The following DAB1 variants were observed in gnomAD, a reference collection of about 807,000 sequenced individuals.
DAB1 encodes the protein DAB adaptor protein 1, also known as disabled homolog 1.
Under a neutral mutation model 64.6 loss-of-function variants are expected in DAB1, and 15 were observed. The observed-to-expected ratio is 0.23, with a 90% confidence interval of 0.16 to 0.36. The LOEUF (loss-of-function observed/expected upper bound fraction) is 0.36. Among genes scored for constraint, DAB1 ranks in the 10% least tolerant of loss-of-function variants. The pLI is 1.00. For missense variants in DAB1, 596 were observed against 706.7 expected, an observed-to-expected ratio of 0.84 and a Z score of 1.78; for synonymous variants, 235 against 251.9, an observed-to-expected ratio of 0.93 and a Z score of 0.64.
rs115480830 is a variant in DAB1, at chr1:57,340,772, G to A, written c.-136-49606C>T. On this transcript the variant is annotated intron_variant, in intron 1 of 14. Transcript: ENST00000371236. ...GTGTACTCTGAGGAAGCCGAAGTACGGAGTTTTAATGGGTGCAGAAGTTTT... is the reference window on the plus strand; with the variant it reads ...GTGTACTCTGAGGAAGCCGAAGTACAGAGTTTTAATGGGTGCAGAAGTTTT... 2.9e-3 allele frequency among the ~76,000 whole-genome samples: 449 copies of A among 152,286 alleles called. 1 individual carries two copies. Among genetic ancestry groups the A allele is most frequent in the African/African-American group, 9.6e-3 (397 of 41,554 alleles).
intron 1 of DAB1, among the ~76,000 whole-genome samples, chr1:57,322,123 A>G (rs1248290490): frequency 6.6e-6 from 1 of 152,160 alleles, no homozygotes; most frequent in Non-Finnish European, 1.5e-5. Context: ...CCTTATGAAA[A>G]AAAGCAGTCA....
chr1:58,120,650 T>C (rs889517481), intron 5 of DAB1, among the ~76,000 whole-genome samples: 3 of 152,312 alleles, frequency 2.0e-5, no homozygotes, highest in Non-Finnish European at 4.4e-5. Flanking sequence ...TAAAAGACTA[T>C]GGCATTTTCC....
At chr1:57,524,951 TC>T (rs750034568) in intron 7 of DAB1, among the ~76,000 whole-genome samples, 51 of 152,128 alleles carry the variant, frequency 3.4e-4, no homozygotes, top group Non-Finnish European at 6.6e-4. Context: ...ATGACACTAA[TC>T]TTTGTAAAGC....
intron 7 of DAB1, among the ~76,000 whole-genome samples, chr1:57,450,242 T>C (rs1168107159): frequency 1.3e-5 from 2 of 152,214 alleles, no homozygotes; most frequent in Non-Finnish European, 2.9e-5. Flanking sequence ...TGACACTTGA[T>C]ATTATTTTAC....
chr1:57,141,052 T>TTCA (rs1658545239), intron 3 of DAB1, among the ~76,000 whole-genome samples: 2 of 152,170 alleles, frequency 1.3e-5, no homozygotes, highest in Non-Finnish European at 2.9e-5. Flanking sequence ...GCTTCAGGCA[T>TTCA]GAATTCTGAA....
At chr1:58,528,307 C>T (rs1008054720) in intron 1 of DAB1, among the ~76,000 whole-genome samples, 2 of 151,994 alleles carry the variant, frequency 1.3e-5, no homozygotes, top group Non-Finnish European at 2.9e-5. Context: ...TATTGTTAAC[C>T]CTGAGCTAAT....
intron 4 of DAB1, among the ~76,000 whole-genome samples, chr1:57,124,518 T>G (rs2100762121): frequency 6.6e-6 from 1 of 152,294 alleles, no homozygotes; most frequent in African/African-American, 2.4e-5. Context: ...TTTTCAAAAT[T>G]TTAAATATAT....
At chr1:57,614,997 G>A (rs1289822904) in intron 7 of DAB1, among the ~76,000 whole-genome samples, 1 of 150,964 alleles carries the variant, frequency 6.6e-6, no homozygotes, top group African/African-American at 2.4e-5. Flanking sequence ...CAGCTCCCGA[G>A]TAGTTGGGAC....
chr1:57,209,426 C>G (rs970832785), intron 2 of DAB1, among the ~76,000 whole-genome samples: 1 of 152,174 alleles, frequency 6.6e-6, no homozygotes, highest in South Asian at 2.1e-4. Context: ...TGGCTATTTG[C>G]AGGGATAAAA....
intron 5 of DAB1, among the ~76,000 whole-genome samples, chr1:58,098,216 T>C (rs1651105675): frequency 6.6e-6 from 1 of 152,164 alleles, no homozygotes; most frequent in Non-Finnish European, 1.5e-5. Context: ...AGGAAACGGA[T>C]GGCACACTCA....
chr1:57,309,999 A>T (rs1024331010), intron 1 of DAB1, among the ~76,000 whole-genome samples: 1 of 152,150 alleles, frequency 6.6e-6, no homozygotes, highest in Non-Finnish European at 1.5e-5. Context: ...GCCACTCCAA[A>T]CACGTTTATT....
intron 4 of DAB1, among the ~76,000 whole-genome samples, chr1:57,078,972 C>A (rs2100618730): frequency 1.3e-5 from 2 of 152,096 alleles, no homozygotes; most frequent in East Asian, 3.9e-4. Context: ...AATGGATTTG[C>A]TATAAGATGA....
chr1:57,235,244 C>T (rs1668008227), intron 2 of DAB1, among the ~76,000 whole-genome samples: 1 of 152,172 alleles, frequency 6.6e-6, no homozygotes. Flanking sequence ...GTGATTTAAC[C>T]TCTCAGATCT....
intron 1 of DAB1, among the ~76,000 whole-genome samples, chr1:57,420,086 C>T (rs1425758184): frequency 2.6e-5 from 4 of 152,210 alleles, no homozygotes; most frequent in Non-Finnish European, 5.9e-5. Flanking sequence ...GCCACAGAGT[C>T]ACAAGTGTTC....
intron 9 of DAB1, among the ~76,000 whole-genome samples, chr1:57,029,264 G>A (rs569276579): frequency 5.3e-5 from 8 of 152,290 alleles, no homozygotes; most frequent in Admixed American, 2.6e-4. Flanking sequence ...TTGAGTCTAC[G>A]GGTGCACAGA....
At chr1:57,444,884 A>T (rs182162859) in intron 7 of DAB1, among the ~76,000 whole-genome samples, 2 of 152,334 alleles carry the variant, frequency 1.3e-5, no homozygotes, top group East Asian at 3.9e-4. Context: ...GTGGTAGTTT[A>T]TTACAGCAGC....
chr1:57,226,353 C>T (rs1450399686), intron 2 of DAB1, among the ~76,000 whole-genome samples: 1 of 152,102 alleles, frequency 6.6e-6, no homozygotes, highest in African/African-American at 2.4e-5. Flanking sequence ...CTCTTCCTTC[C>T]ACGTTTCTCA....
At chr1:58,500,478 G>A (rs1414631470) in intron 3 of DAB1, among the ~76,000 whole-genome samples, 6 of 152,012 alleles carry the variant, frequency 3.9e-5, no homozygotes, top group Admixed American at 3.3e-4. Context: ...TGATTTACAC[G>A]AGTTCAAACC....
intron 9 of DAB1, among the ~76,000 whole-genome samples, chr1:57,059,668 G>T (rs1398930992): frequency 6.6e-6 from 1 of 151,964 alleles, no homozygotes; most frequent in East Asian, 1.9e-4. Flanking sequence ...TATTACCTCC[G>T]AGAGGCTTGG....
Sources: allele counts gnomAD v4.1 joint callset (sites outside exome capture counted in the v4.1 genomes callset), GRCh38; gene constraint gnomAD v4.1.1; transcripts MANE v1.5; gene names NCBI Gene and HGNC (gene_info 2026-07-23, HGNC 2026-07-21).